The following CABIN1 variants were observed in gnomAD, a reference collection of about 807,000 sequenced individuals.
CABIN1 encodes calcineurin-binding protein cabin-1.
Under a neutral mutation model 227.7 loss-of-function variants are expected in CABIN1, and 133 were observed. The observed-to-expected ratio is 0.58, with a 90% CI of 0.51 to 0.67. The LOEUF (loss-of-function observed/expected upper bound fraction) is 0.67, where lower values mean the gene tolerates loss of function less well. CABIN1 is among the 30% of genes least tolerant of loss of function. CABIN1 has a pLI of 0.00. For missense variants in CABIN1, 2,408 were observed against 2,852.5 expected (o/e 0.84, Z 3.55); for synonymous variants, 1,086 against 1,155.1 (o/e 0.94, Z 1.21).
chr22:24,064,512 G>GTTTTTTTTTTTTTTTTTTTTTT (rs782268156), intron 15 of CABIN1, among the ~76,000 whole-genome samples: 8 of 106,900 alleles, frequency 7.5e-5, no homozygotes, highest in Non-Finnish European at 9.0e-5. Flanking sequence ...CAGCTGAAAG[G>GTTTTTTTTTTTTTTTTTTTTTT]TTTTTTTTTT....
At chr22:24,059,156 A>G in intron 10 of CABIN1, 71 bp from the exon 11 acceptor site, 2 of 1,591,710 alleles carry the variant, frequency 1.3e-6, no homozygotes, top group Non-Finnish European at 1.7e-6. Context: ...TAGTTTCTCT[A>G]ACAGGAAGAG....
intron 27 of CABIN1, among the ~76,000 whole-genome samples, chr22:24,117,256 G>T (rs1408834573): frequency 6.6e-6 from 1 of 152,198 alleles, no homozygotes; most frequent in Non-Finnish European, 1.5e-5. Context: ...ATGCTGGAAT[G>T]CAGTGATGCA....
intron 6 of CABIN1, among the ~76,000 whole-genome samples, chr22:24,048,716 G>A (rs114164217): frequency 0.011 from 1,715 of 152,298 alleles, 28 homozygotes; most frequent in African/African-American, 0.039. Flanking sequence ...CCTGTGCCTG[G>A]CTATTTCCAG....
chr22:24,170,549 C>T (rs963567420), intron 33 of CABIN1, among the ~76,000 whole-genome samples: 3 of 152,212 alleles, frequency 2.0e-5, no homozygotes, highest in African/African-American at 7.2e-5. Flanking sequence ...AGAGACAGGT[C>T]TGTCCTCCTG....
chr22:24,070,994 A>G lies in CABIN1; in HGVS notation c.2427A>G (p.Val809=). The G allele has an allele frequency of 6.2e-7, 1 of 1,614,190 alleles. No individual in the cohort carries two copies. The highest frequency in any genetic ancestry group is 8.5e-7 in the Non-Finnish European group (1 of 1,179,994). ...SADSSGSILK[V]SSSTTGLVRL... is the part of the protein sequence containing the mutation. ...ACAGCAGTGGTAGCATCCTGAAGGTATCATCCTCCACCACTGGCCTTGTGC... is the reference window on the plus strand; with the variant it reads ...ACAGCAGTGGTAGCATCCTGAAGGTGTCATCCTCCACCACTGGCCTTGTGC... The change falls in exon 17 of 37, where the codon GTA becomes GTG. Residue 809 remains valine, a synonymous_variant. Transcript: ENST00000263119.
At position 24,063,103 on chromosome 22, in the gene CABIN1, T is replaced by C. The variant is rs1025204040; in HGVS notation, c.1841T>C (p.Val614Ala). 1 of 1,614,196 alleles carries C rather than the reference T, an allele frequency of 6.2e-7. No individual in the cohort carries two copies. The highest frequency in any genetic ancestry group is 8.5e-7 in the Non-Finnish European group (1 of 1,180,040). Residue 614 changes from valine (V) to alanine (A), a missense_variant, in exon 14 of 37, where the codon GTG (valine) becomes GCG (alanine). Around this residue, in one of 3 missense-constraint regions of CABIN1, gnomAD observed 1,045 missense variants for 1,168.4 expected, o/e 0.89. Transcript: ENST00000263119. ...TTCGAGGATGGTTGGCTGGAGTTTG[T>C]GGTCCGTGTTTACTGGCTGAAGGCT... ...DLFEDGWLEF[V>A]VRVYWLKARF...
intron 1 of CABIN1, among the ~76,000 whole-genome samples, chr22:24,026,453 C>G (rs2036095243): frequency 6.6e-6 from 1 of 152,068 alleles, no homozygotes; most frequent in African/African-American, 2.4e-5. Context: ...TTTGTGTTGT[C>G]TGAAGGCTTG....
intron 6 of CABIN1, among the ~76,000 whole-genome samples, chr22:24,044,106 C>T (rs2037653725): frequency 6.6e-6 from 1 of 152,192 alleles, no homozygotes; most frequent in South Asian, 2.1e-4. Flanking sequence ...ACAAGCCCCA[C>T]CCTTTTGGCT....
intron 6 of CABIN1, among the ~76,000 whole-genome samples, chr22:24,045,747 T>A (rs764298820): frequency 6.6e-6 from 1 of 152,234 alleles, no homozygotes; most frequent in Non-Finnish European, 1.5e-5. Context: ...CAAGAATTTA[T>A]TTCTCTCAGC....
intron 10 of CABIN1, among the ~76,000 whole-genome samples, chr22:24,057,549 T>A (rs965426272): frequency 2.0e-5 from 3 of 152,242 alleles, no homozygotes; most frequent in Non-Finnish European, 2.9e-5. Context: ...GCTAACCATA[T>A]GTGTTCGATA....
chr22:24,043,830 A>G (rs2147146521), intron 6 of CABIN1, among the ~76,000 whole-genome samples: 1 of 152,370 alleles, frequency 6.6e-6, no homozygotes, highest in East Asian at 1.9e-4. Context: ...TCCTGAGACA[A>G]AATTCCTCTC....
At chr22:24,139,933 C>G (rs2044652188) in intron 29 of CABIN1, among the ~76,000 whole-genome samples, 1 of 152,274 alleles carries the variant, frequency 6.6e-6, no homozygotes, top group African/African-American at 2.4e-5. Flanking sequence ...GCCCTGGCCA[C>G]AGGATGCTCA....
chr22:24,050,928 G>C lies in CABIN1; in HGVS notation c.760G>C (p.Glu254Gln), dbSNP rs375054136. Residue 254 changes from glutamate to glutamine, a missense_variant, in exon 8 of 37, where the codon GAG becomes CAG. By Grantham distance (29) the Glu-to-Gln change is conservative (BLOSUM62 2). This residue lies in a region of CABIN1 where 1,045 missense variants were observed against 1,168.4 expected (regional missense o/e 0.89). Coordinates refer to ENST00000263119, the MANE Select transcript of CABIN1 (RefSeq NM_012295.4). ...RKKRQALIVREKEPDLKLVQP... is the reference protein window; with the variant it reads ...RKKRQALIVRQKEPDLKLVQP... ...AAAGAGGCAAGCGCTGATTGTGCGG[G>C]AGAAGGAGCCGGACCTGAAACTTGT... 2 of 1,614,126 alleles carry C rather than the reference G, an allele frequency of 1.2e-6. No individual in the cohort carries two copies. The highest frequency in any genetic ancestry group is 1.7e-6 in the Non-Finnish European group (2 of 1,180,050).
At chr22:24,162,706 G>A (rs926162729) in intron 29 of CABIN1, among the ~76,000 whole-genome samples, 2 of 152,224 alleles carry the variant, frequency 1.3e-5, no homozygotes, top group African/African-American at 2.4e-5. Flanking sequence ...GGGCGGCGGT[G>A]TCTATGGTTC....
At chr22:24,098,494 A>C (rs1569212946) in intron 26 of CABIN1, among the ~76,000 whole-genome samples, 1 of 152,116 alleles carries the variant, frequency 6.6e-6, no homozygotes, top group Non-Finnish European at 1.5e-5. Flanking sequence ...TGGGGACATG[A>C]CATCTACTTT....
At chr22:24,083,875 T>C (rs1199646755) in intron 20 of CABIN1, among the ~76,000 whole-genome samples, 2 of 152,258 alleles carry the variant, frequency 1.3e-5, no homozygotes, top group African/African-American at 4.8e-5. Context: ...GTTTTCCATT[T>C]TTGTGTTGTT....
At chr22:24,094,402 C>G (rs1310195667) in intron 24 of CABIN1, among the ~76,000 whole-genome samples, 1 of 152,240 alleles carries the variant, frequency 6.6e-6, no homozygotes, top group Admixed American at 6.5e-5. Flanking sequence ...TCTCCCAGCA[C>G]ACAGTGCTGG....
intron 26 of CABIN1, among the ~76,000 whole-genome samples, chr22:24,113,239 G>A (rs2042902908): frequency 6.6e-6 from 1 of 152,230 alleles, no homozygotes; most frequent in Admixed American, 6.5e-5. Flanking sequence ...AAATTGCCAT[G>A]GTGGGAATAT....
At chr22:24,098,398 A>T (rs1269511090) in intron 26 of CABIN1, 1 of 1,113,428 alleles carries the variant, frequency 9.0e-7, no homozygotes, top group Non-Finnish European at 1.3e-6. Context: ...GCCACCTGCC[A>T]GCTTGCCCAC....
Sources: gnomAD v4.1 joint callset for allele counts (sites outside exome capture counted in the v4.1 genomes callset) on GRCh38, gnomAD v4.1.1 for gene constraint, gnomAD v4.1.1 regional missense constraint, MANE v1.5 for transcripts, NCBI Gene and HGNC (gene_info 2026-07-23, HGNC 2026-07-21) for gene names.